The following KLHL29 variants were observed in gnomAD, a reference collection of about 807,000 sequenced individuals.
KLHL29 encodes the protein kelch-like protein 29.
KLHL29 carries 21 observed loss-of-function variants against 80.4 expected under a neutral mutation model. The observed-to-expected ratio is 0.26, with a 90% CI of 0.19 to 0.38. The LOEUF (loss-of-function observed/expected upper bound fraction) is 0.38. KLHL29 is among the 10% of genes least tolerant of loss of function. The pLI is 1.00. For missense variants in KLHL29, 867 were observed against 1,223.9 expected, an observed-to-expected ratio of 0.71 and a Z score of 4.35; for synonymous variants, 511 against 526.8, an observed-to-expected ratio of 0.97 and a Z score of 0.41.
chr2:23,395,542 T>C (rs976045430), intron 1 of KLHL29, among the ~76,000 whole-genome samples: 3 of 152,080 alleles, frequency 2.0e-5, no homozygotes, highest in Admixed American at 6.5e-5. Flanking sequence ...GTCAGGAGTT[T>C]GAGACCAGCC....
chr2:23,455,072 TTTA>T (rs1223423086), intron 1 of KLHL29, among the ~76,000 whole-genome samples: 2 of 151,844 alleles, frequency 1.3e-5, no homozygotes, highest in African/African-American at 4.8e-5. Flanking sequence ...TGAAGACAAA[TTTA>T]TTGTGAATTA....
rs191018576 is a variant in KLHL29 at position 23,693,103 on chromosome 2, C to T, written c.1283-166C>T. Among the ~76,000 whole-genome samples the T allele has an allele frequency of 3.4e-3, 524 of 152,248 alleles. 1 individual carries two copies. Among genetic ancestry groups the T allele is most frequent in the African/African-American group, 0.012 (503 of 41,552 alleles). The stretch of plus-strand genomic sequence containing the variant: ...GTAGGGGAGAACCCAGGAGAAGGAT[C>T]GAAGCCTCCAGACACCCAGGAAGGG... On this transcript the variant is annotated intron_variant, in intron 7 of 13. Transcript: ENST00000486442.
At chr2:23,414,927 G>T (rs1462221350) in intron 1 of KLHL29, among the ~76,000 whole-genome samples, 2 of 152,204 alleles carry the variant, frequency 1.3e-5, no homozygotes, top group African/African-American at 2.4e-5. Context: ...AACAGAAAAG[G>T]AATTTATTAA....
At chr2:23,653,250 C>G (rs917566194) in intron 5 of KLHL29, among the ~76,000 whole-genome samples, 2 of 152,300 alleles carry the variant, frequency 1.3e-5, no homozygotes, top group African/African-American at 4.8e-5. Flanking sequence ...TATCACATTT[C>G]CCCCAGAAAC....
intron 5 of KLHL29, among the ~76,000 whole-genome samples, chr2:23,664,023 C>G (rs1670489860): frequency 6.6e-6 from 1 of 152,172 alleles, no homozygotes; most frequent in African/African-American, 2.4e-5. Flanking sequence ...GGGCGCCTGG[C>G]ACACTACAGA....
chr2:23,520,227 C>T (rs901593096), intron 2 of KLHL29, among the ~76,000 whole-genome samples: 1 of 152,126 alleles, frequency 6.6e-6, no homozygotes, highest in Admixed American at 6.6e-5. Context: ...GCCAAATCCA[C>T]CTCAAAACGG....
At position 23,650,633 on chromosome 2, in the gene KLHL29, C is replaced by T. The variant is rs1387684638; in HGVS notation, c.940+7783C>T. Among the ~76,000 whole-genome samples the T allele has an allele frequency of 2.0e-5, 3 of 152,176 alleles. No homozygotes were observed. In the East Asian group the frequency reaches 5.8e-4, roughly 29 times the overall value. ...CTCCTTGATTCTCAGGGGCTTTGAC[C>T]TGGGTAGAAAACACTGGGGGCCATT... On this transcript the variant is annotated intron_variant, in intron 5 of 13. Coordinates refer to ENST00000486442, the MANE Select transcript of KLHL29 (RefSeq NM_052920.2).
At position 23,684,413 on chromosome 2, in the gene KLHL29, T is replaced by C. The variant is rs541783872; in HGVS notation, c.955T>C (p.Leu319=). ...CTGTTCTGCAGAAATGTTGAAGGAA[T>C]TGAACCAGCAACGCAGAGCGAAAGC... ...PGHPREMLKE[L]NQQRRAKAFT... is the part of the protein sequence containing the mutation. Residue 319 remains leucine (L), a synonymous_variant, in exon 6 of 14, where the codon TTG becomes CTG. Coordinates refer to ENST00000486442, the MANE Select transcript of KLHL29 (RefSeq NM_052920.2). This position sits in a 1 kb window ranked among gnomAD's most constrained non-coding sequence, Gnocchi z 4.4. The C allele has an allele frequency of 2.6e-6, 4 of 1,539,512 alleles. No homozygotes were observed. The highest frequency in any genetic ancestry group is 4.2e-5 in the Admixed American group (2 of 48,190).
At chr2:23,494,857 G>T (rs1032889817) in intron 2 of KLHL29, among the ~76,000 whole-genome samples, 1 of 152,048 alleles carries the variant, frequency 6.6e-6, no homozygotes, top group Non-Finnish European at 1.5e-5. Context: ...TGCCATCAGC[G>T]TATCTGTCGT....
chr2:23,555,729 G>A (rs916741005), intron 2 of KLHL29, among the ~76,000 whole-genome samples: 3 of 152,224 alleles, frequency 2.0e-5, no homozygotes, highest in African/African-American at 2.4e-5. Flanking sequence ...ACCCTTCACC[G>A]TCTCCTGGAG....
rs754038785 is a variant in KLHL29, at chr2:23,696,069, G to A, written c.1860G>A (p.Ser620=). 31 of 1,551,686 alleles carry A rather than the reference G, an allele frequency of 2.0e-5. No homozygotes were observed. Among genetic ancestry groups the A allele is most frequent in the Middle Eastern group, 3.3e-4 (2 of 6,014 alleles). Residue 620 remains serine (S), a synonymous_variant, in exon 10 of 14, where the codon TCG becomes TCA. Transcript: ENST00000486442. This position sits in a 1 kb window ranked among gnomAD's most constrained non-coding sequence, Gnocchi z 5.5. ...ACAACAAGTGGTACCCCTTGGCCTC[G>A]CTGCCCTTCTATGACCGCGAGTTCT... ...PQNNKWYPLA[S]LPFYDREFFS... is the part of the protein sequence containing the mutation.
chr2:23,438,001 A>G (rs1472169658), intron 1 of KLHL29, among the ~76,000 whole-genome samples: 1 of 151,938 alleles, frequency 6.6e-6, no homozygotes. Context: ...AGTGGTTTGT[A>G]GTTCTCCTTG....
rs1041504541 is a variant in KLHL29, at chr2:23,457,781, A to C, written c.-153-17779A>C. On this transcript the variant is annotated intron_variant, in intron 1 of 13. Coordinates refer to ENST00000486442, the MANE Select transcript of KLHL29 (RefSeq NM_052920.2). This position sits in a 1 kb window ranked among gnomAD's most constrained non-coding sequence, Gnocchi z 4.3. ...GTAATCCCAGCACTTTGGGAAGCCA[A>C]GGCAGGCAGATCACGAGGTCAGGAG... 1.3e-5 allele frequency among the ~76,000 whole-genome samples: 2 copies of C among 152,198 alleles called. No individual in the cohort carries two copies. The highest frequency in any genetic ancestry group is 2.4e-5 in the African/African-American group (1 of 41,454).
chr2:23,469,796 T>A (rs1182890522), intron 1 of KLHL29, among the ~76,000 whole-genome samples: 1 of 152,162 alleles, frequency 6.6e-6, no homozygotes, highest in Non-Finnish European at 1.5e-5. Context: ...TCAGTGCTGC[T>A]GTGGGTGAGT....
chr2:23,422,756 T>C (rs1662857956), intron 1 of KLHL29, among the ~76,000 whole-genome samples: 1 of 152,078 alleles, frequency 6.6e-6, no homozygotes, highest in South Asian at 2.1e-4. Flanking sequence ...TGTGTGTCTG[T>C]GTCTCTGTGT....
chr2:23,602,779 C>T (rs1004727186), intron 3 of KLHL29, among the ~76,000 whole-genome samples: 1 of 152,058 alleles, frequency 6.6e-6, no homozygotes, highest in Non-Finnish European at 1.5e-5. Context: ...TCTGTCCTCA[C>T]GGTCTGAATC....
At chr2:23,555,585 A>T (rs1667266706) in intron 2 of KLHL29, among the ~76,000 whole-genome samples, 1 of 152,248 alleles carries the variant, frequency 6.6e-6, no homozygotes. Flanking sequence ...AGGAACGGGC[A>T]GCCTGAGGGG....
chr2:23,466,840 G>A (rs1004644714), intron 1 of KLHL29, among the ~76,000 whole-genome samples: 3 of 152,198 alleles, frequency 2.0e-5, no homozygotes, highest in Non-Finnish European at 4.4e-5. Flanking sequence ...GAGAGGACCA[G>A]GACTTTCTGC....
chr2:23,495,664 C>T (rs1665241483), intron 2 of KLHL29, among the ~76,000 whole-genome samples: 2 of 152,158 alleles, frequency 1.3e-5, no homozygotes, highest in Non-Finnish European at 2.9e-5. Flanking sequence ...TCCACTGTAC[C>T]CACAGCTCCA....
Sources: gnomAD v4.1 joint callset for allele counts (sites outside exome capture counted in the v4.1 genomes callset) on GRCh38, gnomAD v4.1.1 for gene constraint, Gnocchi (gnomAD v3.1) non-coding constraint, MANE v1.5 for transcripts, NCBI Gene and HGNC (gene_info 2026-07-23, HGNC 2026-07-21) for gene names.